The following FBXO25 variants were observed in gnomAD, a reference collection of about 807,000 sequenced individuals.
FBXO25 encodes F-box protein 25, also known as F-box only protein 25.
In FBXO25, 45 loss-of-function variants were observed where a neutral mutation model predicts 51.9. The ratio of observed to expected loss-of-function variants is 0.87; its 90% CI spans 0.68 to 1.11. FBXO25 has a LOEUF of 1.11. FBXO25 is among the 50% of genes most tolerant of loss of function. The pLI is 0.00. For missense variants in FBXO25, 507 were observed against 428.5 expected, an observed-to-expected ratio of 1.18 and a Z score of -1.62; for synonymous variants, 199 against 151.0, an observed-to-expected ratio of 1.32 and a Z score of -2.33.
At chr8:408,869 A>G (rs1159164785) in intron 1 of FBXO25, among the ~76,000 whole-genome samples, 1 of 152,254 alleles carries the variant, frequency 6.6e-6, no homozygotes, top group East Asian at 1.9e-4. Context: ...TGCAAATTAT[A>G]CAAGCTACAC....
In FBXO25 at chr8:458,548, G is replaced by C; in HGVS notation, c.840G>C (p.Lys280Asn). The change falls in exon 8 of 10, where the codon AAG (lysine) becomes AAC (asparagine). Residue 280 changes from lysine to asparagine, a missense_variant. Coordinates refer to ENST00000350302, the MANE Select transcript of FBXO25 (RefSeq NM_183420.2). ...KKLCQYHFAE[K>N]QFCRHLILSE... ...TTTGTCAGTACCATTTTGCTGAAAA[G>C]CAGGTGAGTGGGATGCAGCAGTCTC... 1 of 1,613,902 alleles carries C rather than the reference G, an allele frequency of 6.2e-7. No individual in the cohort carries two copies. The highest frequency in any genetic ancestry group is 8.5e-7 in the Non-Finnish European group (1 of 1,179,856).
chr8:446,719 A>G (rs1421566353), intron 5 of FBXO25, among the ~76,000 whole-genome samples: 2 of 152,212 alleles, frequency 1.3e-5, no homozygotes, highest in Non-Finnish European at 2.9e-5. Context: ...GCCTAACCTG[A>G]TCTTATCTCT....
rs138554514 is a variant in FBXO25 at position 458,504 on chromosome 8, A to C, written c.796A>C (p.Arg266=). The change falls in exon 8 of 10, where the codon AGA becomes CGA. Residue 266 remains arginine (R), a synonymous_variant. Transcript: ENST00000350302. ...TPTLYMLSED[R]QLWKKLCQYH... ...CACGTTGTATATGCTTAGTGAAGACAGACAGCTGTGGAAGAAGCTTTGTCA... is the reference window on the plus strand; with the variant it reads ...CACGTTGTATATGCTTAGTGAAGACCGACAGCTGTGGAAGAAGCTTTGTCA... 3.7e-5 allele frequency: 60 copies of C among 1,614,170 alleles called. No individual in the cohort carries two copies. The highest frequency in any genetic ancestry group is 4.7e-5 in the Non-Finnish European group (56 of 1,180,032).
At chr8:419,249 A>G (rs1797008045) in intron 2 of FBXO25, among the ~76,000 whole-genome samples, 1 of 152,232 alleles carries the variant, frequency 6.6e-6, no homozygotes, top group Non-Finnish European at 1.5e-5. Flanking sequence ...GGTGCCTGTA[A>G]TCCCAGCTAC....
chr8:444,308 C>G (rs182184936), intron 5 of FBXO25, among the ~76,000 whole-genome samples: 1 of 152,168 alleles, frequency 6.6e-6, no homozygotes. Context: ...CTCTGCCCTT[C>G]CCCATGTATG....
chr8:419,658 A>T (rs1366831466), intron 2 of FBXO25, among the ~76,000 whole-genome samples: 3 of 152,212 alleles, frequency 2.0e-5, no homozygotes, highest in Admixed American at 1.3e-4. Context: ...TACAAAAATG[A>T]ACTCAAAATG....
chr8:422,395 A>G (rs1255769416), intron 2 of FBXO25, among the ~76,000 whole-genome samples: 2 of 152,216 alleles, frequency 1.3e-5, no homozygotes, highest in Non-Finnish European at 2.9e-5. Context: ...CTTCAAGGTG[A>G]TGAGAGGAGA....
At chr8:414,047 A>G (rs1236892000) in intron 2 of FBXO25, among the ~76,000 whole-genome samples, 1 of 152,222 alleles carries the variant, frequency 6.6e-6, no homozygotes, top group Non-Finnish European at 1.5e-5. Context: ...TTGTGTAATT[A>G]TCAACTGTGT....
At chr8:446,344 A>G (rs111751697) in intron 5 of FBXO25, among the ~76,000 whole-genome samples, 2,548 of 152,198 alleles carry the variant, frequency 0.017, 63 homozygotes, top group African/African-American at 0.059. Flanking sequence ...AATAAAAGAT[A>G]TTTGTACATT....
At chr8:413,440 C>G (rs533358488) in intron 2 of FBXO25, among the ~76,000 whole-genome samples, 1 of 151,750 alleles carries the variant, frequency 6.6e-6, no homozygotes, top group Admixed American at 6.6e-5. Context: ...TTAATCCTCA[C>G]AATAATTGGG....
chr8:473,833 T>A lies in FBXO25; in HGVS notation c.*5029T>A, dbSNP rs867441367. On this transcript the variant is annotated 3_prime_UTR_variant, in exon 10 of 10. Transcript: ENST00000350302. ...TCGTTTTTGCATGGAAATTTCATTTTTATTTGATAATCATTTGAGAAACTT... is the reference window on the plus strand; with the variant it reads ...TCGTTTTTGCATGGAAATTTCATTTATATTTGATAATCATTTGAGAAACTT... 6.6e-6 allele frequency: 1 copy of A among 152,240 alleles called. No homozygotes were observed. The highest frequency in any genetic ancestry group is 1.5e-5 in the Non-Finnish European group (1 of 68,032). 9.4% of individuals were successfully genotyped at this position (152,240 alleles called of 1,614,324 possible). A position where few individuals can be genotyped will look rare whatever the true frequency, so the allele number is the denominator to read the frequency against.
chr8:417,644 C>G (rs975940819), intron 2 of FBXO25, among the ~76,000 whole-genome samples: 1 of 152,216 alleles, frequency 6.6e-6, no homozygotes, highest in Non-Finnish European at 1.5e-5. Flanking sequence ...GCCTCTTTCC[C>G]TTTCCAGTGA....
At chr8:457,845 C>G (rs1012311811) in intron 7 of FBXO25, among the ~76,000 whole-genome samples, 8 of 152,342 alleles carry the variant, frequency 5.3e-5, no homozygotes, top group Non-Finnish European at 8.8e-5. Flanking sequence ...CCCCACAAAG[C>G]TAGAAGGAGC....
chr8:415,261 A>G (rs1796728379), intron 2 of FBXO25, among the ~76,000 whole-genome samples: 1 of 152,174 alleles, frequency 6.6e-6, no homozygotes, highest in Admixed American at 6.5e-5. Flanking sequence ...GTGCGTGAAA[A>G]TAGGCCTTTA....
chr8:435,268 C>G (rs1402642845), intron 4 of FBXO25, among the ~76,000 whole-genome samples: 3 of 152,078 alleles, frequency 2.0e-5, no homozygotes, highest in Non-Finnish European at 4.4e-5. Flanking sequence ...GTTGCGTAGC[C>G]TAGAATGAAT....
chr8:454,654 G>T (rs143036019), intron 7 of FBXO25, among the ~76,000 whole-genome samples: 1 of 152,146 alleles, frequency 6.6e-6, no homozygotes, highest in South Asian at 2.1e-4. Context: ...CACTTTGGGA[G>T]GCCGAGGTGG....
chr8:415,157 G>A (rs781537832), intron 2 of FBXO25, among the ~76,000 whole-genome samples: 1 of 152,158 alleles, frequency 6.6e-6, no homozygotes, highest in African/African-American at 2.4e-5. Flanking sequence ...TTTGATTTAA[G>A]GTGGGCTTTC....
At chr8:435,757 T>C in intron 5 of FBXO25, 50 bp downstream of exon 5, 3 of 1,556,134 alleles carry the variant, frequency 1.9e-6, no homozygotes, top group Non-Finnish European at 2.6e-6. Context: ...TGAACAACTA[T>C]ATTTTGAAGA....
chr8:473,229 C>T lies in FBXO25; in HGVS notation c.*4425C>T, dbSNP rs1002379837. On this transcript the variant is annotated 3_prime_UTR_variant, in exon 10 of 10. Transcript: ENST00000350302. ...CCCGCGTCCCATGGGCTAAATGCCACTGAGCCGGTAGGAGCTGCTCAGGTG... is the reference window on the plus strand; with the variant it reads ...CCCGCGTCCCATGGGCTAAATGCCATTGAGCCGGTAGGAGCTGCTCAGGTG... 5.9e-5 allele frequency: 9 copies of T among 152,328 alleles called. No homozygotes were observed. Among genetic ancestry groups the T allele is most frequent in the African/African-American group, 1.9e-4 (8 of 41,468 alleles). The allele number at this position is 152,328 out of a possible 1,614,324, so 9.4% of individuals were successfully genotyped here. A position where few individuals can be genotyped will look rare whatever the true frequency, so the allele number is the denominator to read the frequency against.
Sources: gnomAD v4.1 joint callset for allele counts (sites outside exome capture counted in the v4.1 genomes callset) on GRCh38, gnomAD v4.1.1 for gene constraint, MANE v1.5 for transcripts, NCBI Gene and HGNC (gene_info 2026-07-23, HGNC 2026-07-21) for gene names.